Variants in SEMA5A observed in about 807,000 individuals in gnomAD.
SEMA5A encodes the protein semaphorin 5A.
In SEMA5A, 55 loss-of-function variants were observed where a neutral mutation model predicts 135.5. The ratio of observed to expected loss-of-function variants is 0.41; its 90% CI spans 0.33 to 0.51. The LOEUF (loss-of-function observed/expected upper bound fraction) is 0.51, where lower values mean the gene tolerates loss of function less well. Ranked by LOEUF, SEMA5A falls within the 20% of genes least tolerant of loss-of-function variation. The probability of loss-of-function intolerance (pLI) is 0.37; values close to 1 mark genes in which losing one functional copy is unlikely to be tolerated. For synonymous variants in SEMA5A, 580 were observed against 546.5 expected (o/e 1.06, Z -0.85); for missense variants, 1,290 against 1,419.9 (o/e 0.91, Z 1.47).
intron 5 of SEMA5A, among the ~76,000 whole-genome samples, chr5:9,244,804 T>C (rs572857544): frequency 7.2e-5 from 11 of 152,184 alleles, no homozygotes; most frequent in Admixed American, 2.0e-4. Context: ...CTTGAGCTGG[T>C]TGGGTGAGCC....
intron 5 of SEMA5A, among the ~76,000 whole-genome samples, chr5:9,300,846 T>C (rs1482507607): frequency 3.9e-5 from 6 of 152,166 alleles, no homozygotes; most frequent in African/African-American, 1.4e-4. Context: ...AAAGAACACC[T>C]GGAGCCACTA....
At chr5:9,056,352 G>A (rs1343081830) in intron 18 of SEMA5A, among the ~76,000 whole-genome samples, 1 of 152,172 alleles carries the variant, frequency 6.6e-6, no homozygotes, top group Admixed American at 6.5e-5. Flanking sequence ...GAAGAAATTG[G>A]AGCCCTTATA....
At chr5:9,236,392 T>C (rs1331444288) in intron 6 of SEMA5A, among the ~76,000 whole-genome samples, 3 of 152,164 alleles carry the variant, frequency 2.0e-5, no homozygotes, top group African/African-American at 7.2e-5. Flanking sequence ...GGTGGTCTTA[T>C]TTAAAGGACT....
chr5:9,501,838 A>G (rs1038420160), intron 1 of SEMA5A, among the ~76,000 whole-genome samples: 20 of 152,224 alleles, frequency 1.3e-4, no homozygotes, highest in Non-Finnish European at 1.9e-4. Context: ...TGTGCCACCA[A>G]TTGGGTTTTC....
chr5:9,294,818 T>C (rs1279651587), intron 5 of SEMA5A, among the ~76,000 whole-genome samples: 2 of 152,232 alleles, frequency 1.3e-5, no homozygotes, highest in Admixed American at 6.5e-5. Context: ...TCATTCATTA[T>C]GTCTCTCACT....
chr5:9,272,114 G>T (rs1750006641), intron 5 of SEMA5A, among the ~76,000 whole-genome samples: 1 of 152,084 alleles, frequency 6.6e-6, no homozygotes, highest in Admixed American at 6.5e-5. Context: ...AGATCTACTG[G>T]CTGGAAATTT....
rs566645965 is a variant in SEMA5A, at chr5:9,310,897, T to A, written c.270+7475A>T. Among the ~76,000 whole-genome samples the A allele has an allele frequency of 8.0e-5, 12 of 150,930 alleles. No homozygotes were observed. The South Asian group carries it at 2.5e-3, about 31-fold the overall frequency. On this transcript the variant is annotated intron_variant, in intron 5 of 22. Transcript: ENST00000382496. ...TAATATATATATACATGAACACACATATGAATCTTTAGTGTTTAGATTTCT... is the reference window on the plus strand; with the variant it reads ...TAATATATATATACATGAACACACAAATGAATCTTTAGTGTTTAGATTTCT...
chr5:9,479,129 T>C (rs565269621), intron 1 of SEMA5A, among the ~76,000 whole-genome samples: 1 of 152,304 alleles, frequency 6.6e-6, no homozygotes, highest in Admixed American at 6.5e-5. Context: ...GATTGTAAAT[T>C]TCCTGAGTCC....
At chr5:9,373,956 A>T (rs1008338925) in intron 3 of SEMA5A, among the ~76,000 whole-genome samples, 5 of 152,254 alleles carry the variant, frequency 3.3e-5, no homozygotes, top group Admixed American at 1.3e-4. Context: ...TTAAACATTT[A>T]AAACTAATTT....
At chr5:9,489,819 T>C (rs1431391892) in intron 1 of SEMA5A, among the ~76,000 whole-genome samples, 3 of 152,178 alleles carry the variant, frequency 2.0e-5, no homozygotes, top group Non-Finnish European at 4.4e-5. Context: ...AGTGAGTATC[T>C]GCTTTAAGTA....
At chr5:9,130,550 C>T (rs770373872) in intron 13 of SEMA5A, among the ~76,000 whole-genome samples, 14 of 152,146 alleles carry the variant, frequency 9.2e-5, no homozygotes, top group Admixed American at 2.0e-4. Flanking sequence ...TATCTAATAC[C>T]TCTGAGCCCC....
At position 9,407,234 on chromosome 5, in the gene SEMA5A, T is replaced by C. The variant is rs74953041; in HGVS notation, c.-77-27211A>G. Among the ~76,000 whole-genome samples, 488 of 152,342 alleles carry C rather than the reference T, an allele frequency of 3.2e-3. 3 individuals are homozygous for C. The highest frequency in any genetic ancestry group is 0.011 in the African/African-American group (475 of 41,576). ...AGATACAATCTACAAAAAGAGTATGTAACAAGTAGACTAAACATAAAGAGA... is the reference window on the plus strand; with the variant it reads ...AGATACAATCTACAAAAAGAGTATGCAACAAGTAGACTAAACATAAAGAGA... On this transcript the variant is annotated intron_variant, in intron 2 of 22. Transcript: ENST00000382496.
At chr5:9,075,838 T>C (rs1738022158) in intron 16 of SEMA5A, among the ~76,000 whole-genome samples, 1 of 152,306 alleles carries the variant, frequency 6.6e-6, no homozygotes, top group Non-Finnish European at 1.5e-5. Context: ...CATACCTCAA[T>C]AGAGGTACAA....
chr5:9,338,875 T>C (rs1334525609), intron 3 of SEMA5A, among the ~76,000 whole-genome samples: 1 of 152,148 alleles, frequency 6.6e-6, no homozygotes, highest in Non-Finnish European at 1.5e-5. Context: ...GAAATCGCTT[T>C]GTTGATGTGA....
intron 5 of SEMA5A, among the ~76,000 whole-genome samples, chr5:9,313,468 T>C (rs753448861): frequency 3.3e-5 from 5 of 152,138 alleles, no homozygotes; most frequent in Non-Finnish European, 7.4e-5. Flanking sequence ...AAGTTATGTT[T>C]AAAAAGGTTA....
intron 18 of SEMA5A, among the ~76,000 whole-genome samples, chr5:9,060,254 T>C (rs1419403137): frequency 6.6e-6 from 1 of 152,198 alleles, no homozygotes; most frequent in Admixed American, 6.5e-5. Flanking sequence ...TATGTATACA[T>C]GGTATTGGCT....
At chr5:9,154,037 C>T (rs1168222234) in intron 12 of SEMA5A, among the ~76,000 whole-genome samples, 5 of 95,356 alleles carry the variant, frequency 5.2e-5, no homozygotes, top group Admixed American at 4.0e-4. Flanking sequence ...CAGAGTGAGA[C>T]TGTGTCTCAA....
At chr5:9,237,453 T>C (rs912445920) in intron 6 of SEMA5A, among the ~76,000 whole-genome samples, 1 of 152,224 alleles carries the variant, frequency 6.6e-6, no homozygotes, top group Non-Finnish European at 1.5e-5. Context: ...GTAATAAATT[T>C]ATTTGTCATA....
chr5:9,449,730 A>T (rs1266599988), intron 1 of SEMA5A, among the ~76,000 whole-genome samples: 1 of 152,158 alleles, frequency 6.6e-6, no homozygotes, highest in African/African-American at 2.4e-5. Flanking sequence ...CCCGGGTGGT[A>T]CCTGGAGATG....
Sources: gnomAD v4.1 joint callset for allele counts (sites outside exome capture counted in the v4.1 genomes callset) on GRCh38, gnomAD v4.1.1 for gene constraint, MANE v1.5 for transcripts, NCBI Gene and HGNC (gene_info 2026-07-23, HGNC 2026-07-21) for gene names.